ARIH2: variants seen among roughly 807,000 people sequenced by gnomAD.
The protein encoded by ARIH2 is E3 ubiquitin-protein ligase ARIH2.
ARIH2 carries 12 observed loss-of-function variants against 79.8 expected under a neutral mutation model. That is an observed-to-expected ratio of 0.15 (90% CI 0.10 to 0.24). The LOEUF is 0.24. ARIH2 is among the 10% of genes least tolerant of loss of function. The probability of loss-of-function intolerance (pLI) is 1.00; values close to 1 mark genes in which losing one functional copy is unlikely to be tolerated. For missense variants in ARIH2, 301 were observed against 618.3 expected, an observed-to-expected ratio of 0.49 and a Z score of 5.44; for synonymous variants, 224 against 213.9, an observed-to-expected ratio of 1.05 and a Z score of -0.41.
intron 3 of ARIH2, among the ~76,000 whole-genome samples, chr3:48,929,454 C>T (rs995892037): frequency 2.6e-5 from 4 of 152,068 alleles, no homozygotes; most frequent in South Asian, 4.1e-4. Flanking sequence ...TTCCCTTCGC[C>T]GCCTCATCTC....
Position 48,920,419 on chromosome 3 carries a change from T to C in ARIH2, c.-162+1421T>C, listed in dbSNP as rs943519623. ...ATTTAGTATGAAATGGAGTTCTCTC[T>C]CTTTTTTTTTTGGAGGAGCCTGGAG... On this transcript the variant is annotated intron_variant, in intron 1 of 15. Transcript: ENST00000356401. Among the ~76,000 whole-genome samples, 3 of 131,068 alleles carry C rather than the reference T, an allele frequency of 2.3e-5. 1 individual carries two copies. In the South Asian group the frequency reaches 9.2e-4, roughly 40 times the overall value. 86.0% of individuals were successfully genotyped at this position (131,068 alleles called of 152,430 possible).
intron 3 of ARIH2, among the ~76,000 whole-genome samples, chr3:48,931,359 C>G (rs897615946): frequency 2.0e-5 from 3 of 151,552 alleles, no homozygotes; most frequent in Admixed American, 6.6e-5. Context: ...TCCTGGCTAA[C>G]ACGGTGAAAC....
intron 1 of ARIH2, 52 bp from the exon 2 acceptor site, chr3:48,922,696 C>G (rs1386485713): frequency 6.6e-6 from 1 of 151,866 alleles, no homozygotes; most frequent in Non-Finnish European, 1.5e-5. Flanking sequence ...AATAAACTTG[C>G]AAAAGCAGTA....
At chr3:48,919,921 C>G (rs983210393) in intron 1 of ARIH2, among the ~76,000 whole-genome samples, 2 of 151,940 alleles carry the variant, frequency 1.3e-5, no homozygotes, top group African/African-American at 2.4e-5. Context: ...TGGGCAAGCC[C>G]AGGATGGTTG....
At position 48,980,503 on chromosome 3, in the gene ARIH2, A is replaced by G. The variant is rs1576565370; in HGVS notation, c.1257+7A>G. 3.1e-6 allele frequency: 5 copies of G among 1,613,490 alleles called. No individual in the cohort carries two copies. Among genetic ancestry groups the G allele is most frequent in the East Asian group, 2.2e-5 (1 of 44,832 alleles). On this transcript the variant is annotated splice_region_variant and intron_variant, in intron 13 of 15. Coordinates refer to ENST00000356401, the MANE Select transcript of ARIH2 (RefSeq NM_006321.4). Reference sequence around the variant, plus strand: ...TGCCAAGCTCTTGGCCAAGGTATCTACCACTTCACTCATCTTATCCCTGGT... The same window carrying G: ...TGCCAAGCTCTTGGCCAAGGTATCTGCCACTTCACTCATCTTATCCCTGGT...
At chr3:48,942,258 C>T (rs1394247230) in intron 3 of ARIH2, among the ~76,000 whole-genome samples, 1 of 152,040 alleles carries the variant, frequency 6.6e-6, no homozygotes, top group Non-Finnish European at 1.5e-5. Flanking sequence ...ACCATGTTGG[C>T]CAGGCTGGTC....
intron 5 of ARIH2, among the ~76,000 whole-genome samples, 187 bp downstream of exon 5, chr3:48,965,169 A>G (rs1052820658): frequency 2.9e-4 from 44 of 150,086 alleles, no homozygotes; most frequent in African/African-American, 1.1e-3. Context: ...CCTGGCTAAC[A>G]CGGTGAAACC....
At chr3:48,919,113 C>T in intron 1 of ARIH2, 115 bp downstream of exon 1, 1 of 1,283,634 alleles carries the variant, frequency 7.8e-7, no homozygotes, top group South Asian at 3.0e-5. Flanking sequence ...CCCGGGAGGC[C>T]CGGGCGCTCC....
chr3:48,926,048 T>G (rs971519112), intron 2 of ARIH2, among the ~76,000 whole-genome samples: 3 of 152,062 alleles, frequency 2.0e-5, no homozygotes, highest in African/African-American at 7.2e-5. Flanking sequence ...TAGTTGATAT[T>G]GTTCCTTTCA....
chr3:48,982,289 T>C (rs901357009), intron 14 of ARIH2, among the ~76,000 whole-genome samples: 3 of 152,256 alleles, frequency 2.0e-5, no homozygotes, highest in Non-Finnish European at 2.9e-5. Flanking sequence ...ATTTTATTGT[T>C]ATAACAGTTT....
chr3:48,971,597 G>A (rs1209715581), intron 8 of ARIH2, among the ~76,000 whole-genome samples: 5 of 152,140 alleles, frequency 3.3e-5, no homozygotes, highest in South Asian at 4.1e-4. Context: ...CTAGTAAATC[G>A]TAGAGCCATA....
In ARIH2 at chr3:48,920,136, C is replaced by T. The variant is rs1200616656; in HGVS notation, c.-162+1138C>T. Among the ~76,000 whole-genome samples the T allele has an allele frequency of 2.6e-5, 4 of 151,888 alleles. No individual in the cohort carries two copies. The East Asian group carries it at 5.8e-4, about 22-fold the overall frequency. ...CTGGGACCACAGGCACGTACCACCA[C>T]ACCTGGCTAATTTGTAAAATTTTTT... On this transcript the variant is annotated intron_variant, in intron 1 of 15. Transcript: ENST00000356401.
intron 3 of ARIH2, among the ~76,000 whole-genome samples, chr3:48,935,719 A>G (rs1331395959): frequency 3.9e-5 from 6 of 152,228 alleles, no homozygotes; most frequent in Admixed American, 3.9e-4. Flanking sequence ...TGCCTGGAAC[A>G]TGAATGTTCA....
chr3:48,956,641 A>G (rs2090615611), intron 3 of ARIH2, among the ~76,000 whole-genome samples: 1 of 148,210 alleles, frequency 6.7e-6, no homozygotes, highest in African/African-American at 2.5e-5. Context: ...TCTCTTACAG[A>G]AGGCTGCTGG....
At chr3:48,969,196 A>G (rs931996852) in intron 7 of ARIH2, among the ~76,000 whole-genome samples, 3 of 142,530 alleles carry the variant, frequency 2.1e-5, no homozygotes, top group African/African-American at 7.8e-5. Context: ...TTTTTTTTTT[A>G]ACCTCTGAGT....
intron 3 of ARIH2, among the ~76,000 whole-genome samples, chr3:48,951,190 C>T (rs1395261557): frequency 6.6e-6 from 1 of 151,988 alleles, no homozygotes; most frequent in Non-Finnish European, 1.5e-5. Flanking sequence ...TCTTGAACTC[C>T]TGGGCTCAAG....
chr3:48,980,322 T>G (rs761669602), intron 12 of ARIH2, 31 bp from the exon 13 acceptor site: 13 of 1,608,208 alleles, frequency 8.1e-6, no homozygotes, highest in African/African-American at 2.7e-5. Flanking sequence ...ATGGGACTCC[T>G]GTGGTTTTCT....
intron 3 of ARIH2, among the ~76,000 whole-genome samples, chr3:48,955,137 G>A (rs1448959776): frequency 1.3e-5 from 2 of 152,230 alleles, no homozygotes; most frequent in African/African-American, 4.8e-5. Context: ...AGCAGAGGTT[G>A]CAGTGAGCCA....
At chr3:48,950,259 A>C (rs1210412873) in intron 3 of ARIH2, among the ~76,000 whole-genome samples, 1 of 152,010 alleles carries the variant, frequency 6.6e-6, no homozygotes, top group African/African-American at 2.4e-5. Flanking sequence ...GTTTCCTTTT[A>C]GACTCTGTTT....
Sources: allele counts gnomAD v4.1 joint callset (sites outside exome capture counted in the v4.1 genomes callset), GRCh38; gene constraint gnomAD v4.1.1; transcripts MANE v1.5; gene names NCBI Gene and HGNC (gene_info 2026-07-23, HGNC 2026-07-21).